Variants in ZNF655 observed in about 807,000 individuals in gnomAD.
ZNF655 encodes zinc finger protein 655.
Under a neutral mutation model 6.6 loss-of-function variants are expected in ZNF655, and 3 were observed. That is an observed-to-expected ratio of 0.46 (90% CI 0.21 to 1.18). The LOEUF is 1.18. ZNF655 is among the 50% of genes most tolerant of loss of function. ZNF655 has a pLI of 0.24. For missense variants in ZNF655, 526 were observed against 572.3 expected (o/e 0.92, Z 0.83); for synonymous variants, 178 against 195.0 (o/e 0.91, Z 0.73).
At chr7:99,571,389 G>A in intron 2 of ZNF655, 1 of 1,237,022 alleles carries the variant, frequency 8.1e-7, no homozygotes, top group Non-Finnish European at 1.0e-6. Context: ...GGTAACAGAT[G>A]GAGAGTGATA....
chr7:99,560,778 AG>A, intron 2 of ZNF655, 83 bp downstream of exon 2: 1 of 1,544,604 alleles, frequency 6.5e-7, no homozygotes, highest in African/African-American at 1.4e-5. Context: ...GGTTTGAGAG[AG>A]GCCAAGAACT....
chr7:99,572,799 C>G lies in ZNF655; in HGVS notation c.691C>G (p.Gln231Glu), dbSNP rs1240778214. The G allele has an allele frequency of 6.2e-7, 1 of 1,613,478 alleles. No homozygotes were observed. Among genetic ancestry groups the G allele is most frequent in the Non-Finnish European group, 8.5e-7 (1 of 1,179,854 alleles). The change falls in exon 3 of 3, where the codon CAG becomes GAG. Residue 231 changes from glutamine (Q) to glutamate (E), a missense_variant. Physicochemically the swap from Gln to Glu is conservative, Grantham distance 29. Coordinates refer to ENST00000252713, the MANE Select transcript of ZNF655 (RefSeq NM_138494.3). ...FHQSSALTRH[Q>E]RIHTREKPYK... ...TCAGAGCTCAGCCCTTACTAGACAT[C>G]AGAGAATCCATACTAGAGAGAAGCC...
intron 2 of ZNF655, chr7:99,563,892 A>C (rs1370087455): frequency 6.2e-7 from 1 of 1,612,366 alleles, no homozygotes; most frequent in Non-Finnish European, 8.5e-7. Context: ...CACCACCCGG[A>C]TTCATAGTGT....
chr7:99,569,943 T>TA (rs1213243216), intron 2 of ZNF655, among the ~76,000 whole-genome samples: 1 of 152,182 alleles, frequency 6.6e-6, no homozygotes, highest in Non-Finnish European at 1.5e-5. Flanking sequence ...TATAGTTTTT[T>TA]ATCCCTTGTC....
At chr7:99,562,417 G>A in intron 2 of ZNF655, 5 of 1,614,126 alleles carry the variant, frequency 3.1e-6, no homozygotes, top group Non-Finnish European at 3.4e-6. Flanking sequence ...CGAGAGGAAT[G>A]GGGATACCTG....
intron 2 of ZNF655, chr7:99,562,379 AT>A: frequency 1.2e-6 from 2 of 1,614,148 alleles, no homozygotes; most frequent in South Asian, 2.2e-5. Context: ...AGTTTGTGAC[AT>A]TCGAGGATGT....
intron 1 of ZNF655, among the ~76,000 whole-genome samples, chr7:99,560,056 G>A (rs1337070015): frequency 6.6e-6 from 1 of 151,058 alleles, no homozygotes; most frequent in African/African-American, 2.4e-5. Flanking sequence ...ATTTAAAGCT[G>A]AAGCATATCC....
rs1804065502 is a variant in ZNF655, at chr7:99,571,487, C to T, written c.137-758C>T. ...AATCCTTCTGCTCCCAAGTCATCAACTTGCCCCTTAACACACATCCCTCTA... is the reference window on the plus strand; with the variant it reads ...AATCCTTCTGCTCCCAAGTCATCAATTTGCCCCTTAACACACATCCCTCTA... On this transcript the variant is annotated intron_variant, in intron 2 of 2. Coordinates refer to ENST00000252713, the MANE Select transcript of ZNF655 (RefSeq NM_138494.3). 90 of 1,265,564 alleles carry T rather than the reference C, an allele frequency of 7.1e-5. No homozygotes were observed. In the South Asian group the frequency reaches 1.3e-3, roughly 18 times the overall value. The allele number at this position is 1,265,564 out of a possible 1,614,324, so 78.4% of individuals were successfully genotyped here. A position where few individuals can be genotyped will look rare whatever the true frequency, so the allele number is the denominator to read the frequency against.
intron 2 of ZNF655, chr7:99,571,537 G>T (rs753264203): frequency 1.7e-5 from 17 of 1,028,652 alleles, no homozygotes; most frequent in Admixed American, 3.0e-5. Context: ...GCTCCTTGTA[G>T]ATCTTTGCCC....
intron 2 of ZNF655, among the ~76,000 whole-genome samples, chr7:99,567,867 T>C (rs1191450142): frequency 1.3e-5 from 2 of 151,922 alleles, no homozygotes; most frequent in Non-Finnish European, 2.9e-5. Flanking sequence ...GAGACCAGCC[T>C]GACCAACATG....
chr7:99,563,360 C>G (rs974581427), intron 2 of ZNF655: 10 of 175,430 alleles, frequency 5.7e-5, no homozygotes, highest in Admixed American at 1.9e-4. Context: ...CTCTTGTTGC[C>G]CAGGCTGGAG....
In ZNF655 at chr7:99,574,701, T is replaced by C. The variant is rs1201787725; in HGVS notation, c.*1117T>C. ...TCGACGTAAGTAGCTCATTTAGCTT[T>C]TTCTGCTGTTCTTGGCCCAAGTTCT... On this transcript the variant is annotated 3_prime_UTR_variant, in exon 3 of 3. Coordinates refer to ENST00000252713, the MANE Select transcript of ZNF655 (RefSeq NM_138494.3). 6.6e-6 allele frequency: 1 copy of C among 152,258 alleles called. No individual in the cohort carries two copies. The highest frequency in any genetic ancestry group is 1.9e-4 in the East Asian group (1 of 5,206). 9.4% of individuals were successfully genotyped at this position (152,258 alleles called of 1,614,324 possible). A position where few individuals can be genotyped will look rare whatever the true frequency, so the allele number is the denominator to read the frequency against.
In ZNF655 at chr7:99,572,279, T is replaced by G; in HGVS notation, c.171T>G (p.Ile57Met). 3 of 1,610,304 alleles carry G rather than the reference T, an allele frequency of 1.9e-6. No homozygotes were observed. Among genetic ancestry groups the G allele is most frequent in the African/African-American group, 1.3e-5 (1 of 74,932 alleles). The change falls in exon 3 of 3, where the codon ATT (isoleucine) becomes ATG (methionine). Residue 57 changes from isoleucine (I) to methionine (M), a missense_variant. Coordinates refer to ENST00000252713, the MANE Select transcript of ZNF655 (RefSeq NM_138494.3). ...CCAGAGAAGAGAACAAGCTGTTGAT[T>G]CCTAAGCAGAAAATTTCGGAAGAAG... ...GETREENKLL[I>M]PKQKISEEVH...
intron 2 of ZNF655, chr7:99,562,325 C>T: frequency 6.2e-7 from 1 of 1,610,368 alleles, no homozygotes; most frequent in South Asian, 1.1e-5. Flanking sequence ...CATGGTGCTA[C>T]AGTGTTCTCA....
intron 2 of ZNF655, among the ~76,000 whole-genome samples, chr7:99,565,379 C>T (rs139696102): frequency 0.015 from 2,264 of 152,214 alleles, 29 homozygotes; most frequent in Non-Finnish European, 0.023. Context: ...CCATCTTAGC[C>T]AGGATGGTCT....
rs963353744 is a variant in ZNF655 at position 99,571,839 on chromosome 7, A to G, written c.137-406A>G. 15 of 1,366,238 alleles carry G rather than the reference A, an allele frequency of 1.1e-5. No individual in the cohort carries two copies. The African/African-American group carries it at 1.6e-4, about 14-fold the overall frequency. 84.6% of individuals were successfully genotyped at this position (1,366,238 alleles called of 1,614,324 possible). A position where few individuals can be genotyped will look rare whatever the true frequency, so the allele number is the denominator to read the frequency against. On this transcript the variant is annotated intron_variant, in intron 2 of 2. Transcript: ENST00000252713. ...AGAATTAGTAGGGAAGTAAAGTTCA[A>G]TTGTTGAGCCAAGTTGTAGCTGCTT...
intron 2 of ZNF655, chr7:99,562,456 A>G: frequency 6.2e-7 from 1 of 1,614,080 alleles, no homozygotes. Context: ...CTCTACAGAG[A>G]AGTGATGTTA....
intron 2 of ZNF655, chr7:99,571,165 T>C (rs1804039895): frequency 9.0e-7 from 1 of 1,114,984 alleles, no homozygotes; most frequent in African/African-American, 1.6e-5. Context: ...ATGTGTCATA[T>C]TACTCTTTGT....
At chr7:99,572,181 GTTTTC>G in intron 2 of ZNF655, 59 bp from the exon 3 acceptor site, 1 of 1,480,264 alleles carries the variant, frequency 6.8e-7, no homozygotes, top group Non-Finnish European at 9.0e-7. Flanking sequence ...TCTCATCTGA[GTTTTC>G]TTTTCCTAAG....
Sources: allele counts gnomAD v4.1 joint callset (sites outside exome capture counted in the v4.1 genomes callset), GRCh38; gene constraint gnomAD v4.1.1; transcripts MANE v1.5; gene names NCBI Gene and HGNC (gene_info 2026-07-23, HGNC 2026-07-21).